UBR4: variants seen among roughly 807,000 people sequenced by gnomAD.
The protein encoded by UBR4 is E3 ubiquitin-protein ligase UBR4.
In UBR4, 124 loss-of-function variants were observed where a neutral mutation model predicts 575.6. The ratio of observed to expected loss-of-function variants is 0.22; its 90% CI spans 0.19 to 0.25. The LOEUF (loss-of-function observed/expected upper bound fraction) is 0.25. Among genes scored for constraint, UBR4 ranks in the 10% least tolerant of loss-of-function variants. UBR4 has a pLI of 1.00. For missense variants in UBR4, 4,818 were observed against 6,478.8 expected, an observed-to-expected ratio of 0.74 and a Z score of 8.80; for synonymous variants, 2,455 against 2,473.7, an observed-to-expected ratio of 0.99 and a Z score of 0.22.
intron 33 of UBR4, 34 bp from the exon 34 acceptor site, chr1:19,163,861 G>A: frequency 6.2e-7 from 1 of 1,610,674 alleles, no homozygotes; most frequent in Non-Finnish European, 8.5e-7. Flanking sequence ...GGAAAGAGGA[G>A]ACACAAAATC....
chr1:19,142,393 G>T (rs2084045875), intron 55 of UBR4, among the ~76,000 whole-genome samples: 1 of 152,204 alleles, frequency 6.6e-6, no homozygotes, highest in African/African-American at 2.4e-5. Context: ...GTCAGAAGAG[G>T]ATAGAGACCT....
intron 87 of UBR4, among the ~76,000 whole-genome samples, chr1:19,102,912 C>T (rs1434148700): frequency 3.3e-5 from 5 of 152,174 alleles, no homozygotes; most frequent in Non-Finnish European, 7.4e-5. Flanking sequence ...GGAAAAATCT[C>T]CTCTGAAAAC....
chr1:19,143,202 GAAGGAAGGAAAGA>G (rs1165638516), intron 55 of UBR4, among the ~76,000 whole-genome samples: 2 of 146,958 alleles, frequency 1.4e-5, no homozygotes, highest in Non-Finnish European at 3.0e-5. Flanking sequence ...AGGAAGGAAG[GAAGGAAGGAAAGA>G]AAGGAAGGAA....
At chr1:19,208,294 C>T (rs955208529) in intron 1 of UBR4, among the ~76,000 whole-genome samples, 1 of 152,002 alleles carries the variant, frequency 6.6e-6, no homozygotes, top group African/African-American at 2.4e-5. Context: ...GGTGAAACCT[C>T]ATCTCTACTT....
chr1:19,161,228 T>G (rs748510213), intron 37 of UBR4, 81 bp from the exon 38 acceptor site: 16 of 1,377,048 alleles, frequency 1.2e-5, no homozygotes, highest in Non-Finnish European at 1.6e-5. Context: ...CGAGGAAAAT[T>G]TGACCCAAAG....
chr1:19,150,845 C>A (rs780830465), intron 48 of UBR4, 52 bp from the exon 49 acceptor site: 7 of 1,584,086 alleles, frequency 4.4e-6, no homozygotes, highest in Non-Finnish European at 5.2e-6. Flanking sequence ...AAAAGCCACC[C>A]CTCCAAAGCA....
chr1:19,123,541 C>T (rs1570763006), intron 65 of UBR4, among the ~76,000 whole-genome samples: 1 of 151,552 alleles, frequency 6.6e-6, no homozygotes, highest in East Asian at 1.9e-4. Context: ...CTTAAATATC[C>T]TTTAATGAGA....
chr1:19,105,650 C>G, intron 84 of UBR4, 83 bp downstream of exon 84: 2 of 1,092,250 alleles, frequency 1.8e-6, no homozygotes, highest in Non-Finnish European at 2.6e-6. Flanking sequence ...CTCTCATTAC[C>G]CTGATCCATG....
At chr1:19,196,775 A>G (rs2092479186) in intron 8 of UBR4, among the ~76,000 whole-genome samples, 1 of 152,186 alleles carries the variant, frequency 6.6e-6, no homozygotes, top group Non-Finnish European at 1.5e-5. Context: ...ACTGTTTTAT[A>G]TTATACTATT....
Position 19,187,402 on chromosome 1 carries a change from C to T in UBR4, c.1494+39G>A, listed in dbSNP as rs369403581. 6.0e-5 allele frequency: 97 copies of T among 1,611,772 alleles called. 1 individual carries two copies. The South Asian group carries it at 6.0e-4, about 10-fold the overall frequency. ...CTTGCTTGGCCAGAAGTGGATCCCG[C>T]AATCAATATGCTGATTACCATGGGG... On this transcript the variant is annotated intron_variant, in intron 12 of 105. Transcript: ENST00000375254.
chr1:19,144,418 G>A (rs1197847741), intron 54 of UBR4, among the ~76,000 whole-genome samples: 1 of 152,204 alleles, frequency 6.6e-6, no homozygotes, highest in Admixed American at 6.5e-5. Flanking sequence ...TCTTAGCTCT[G>A]TGCTAAAATC....
At chr1:19,133,338 C>T (rs1383880469) in intron 60 of UBR4, among the ~76,000 whole-genome samples, 1 of 152,094 alleles carries the variant, frequency 6.6e-6, no homozygotes, top group African/African-American at 2.4e-5. Flanking sequence ...AACTGGAAAT[C>T]TTGAAAAACC....
intron 29 of UBR4, among the ~76,000 whole-genome samples, chr1:19,166,404 GC>G: frequency 6.6e-6 from 1 of 150,890 alleles, no homozygotes; most frequent in South Asian, 2.1e-4. Context: ...AGCTAGTGCA[GC>G]ACTTGATAGT....
At chr1:19,125,152 C>A (rs193171016) in intron 64 of UBR4, among the ~76,000 whole-genome samples, 33 of 152,298 alleles carry the variant, frequency 2.2e-4, no homozygotes, top group Non-Finnish European at 4.0e-4. Flanking sequence ...AGCCAAGATT[C>A]CTGGCTTCAT....
At chr1:19,104,519 A>T in intron 86 of UBR4, 66 bp downstream of exon 86, 1 of 1,542,252 alleles carries the variant, frequency 6.5e-7, no homozygotes, top group Non-Finnish European at 8.9e-7. Context: ...CCAGCACCCA[A>T]GGAACTAAGG....
At chr1:19,098,460 T>C (rs2078280609) in intron 90 of UBR4, among the ~76,000 whole-genome samples, 1 of 152,236 alleles carries the variant, frequency 6.6e-6, no homozygotes, top group African/African-American at 2.4e-5. Context: ...TCAAGGGAGA[T>C]ACCCTGGTGC....
rs947246013 is a variant in UBR4, at chr1:19,110,218, T to C, written c.11983A>G (p.Ser3995Gly). 6.2e-7 allele frequency: 1 copy of C among 1,614,216 alleles called. No individual in the cohort carries two copies. The highest frequency in any genetic ancestry group is 8.5e-7 in the Non-Finnish European group (1 of 1,180,040). Residue 3995 changes from serine (S) to glycine (G), a missense_variant, in exon 81 of 106, where the codon AGC becomes GGC. Ser to Gly is a moderately conservative substitution (Grantham distance 56, BLOSUM62 0). Coordinates refer to ENST00000375254, the MANE Select transcript of UBR4 (RefSeq NM_020765.3). The surrounding 1 kb of genome is among the most constrained non-coding windows in gnomAD (Gnocchi z 4.5). ...ATGTTCACAGCCATGAGGAAAAGGCTGAGAGCTAGGGATGGTCAGGAAAGG... is the reference window on the plus strand; with the variant it reads ...ATGTTCACAGCCATGAGGAAAAGGCCGAGAGCTAGGGATGGTCAGGAAAGG... ...CWELRLRCAL[S>G]LFLMAVNIKT...
intron 60 of UBR4, among the ~76,000 whole-genome samples, chr1:19,129,633 C>T (rs1258782201): frequency 6.6e-6 from 1 of 152,210 alleles, no homozygotes; most frequent in East Asian, 1.9e-4. Context: ...GCCACACTGT[C>T]CTACTGGACC....
chr1:19,144,182 C>G, intron 54 of UBR4, 91 bp from the exon 55 acceptor site: 7 of 1,186,658 alleles, frequency 5.9e-6, no homozygotes, highest in Non-Finnish European at 6.1e-6. Flanking sequence ...CACTCACTCA[C>G]ATGCAAGTGG....
Sources: allele counts gnomAD v4.1 joint callset (sites outside exome capture counted in the v4.1 genomes callset), GRCh38; gene constraint gnomAD v4.1.1; non-coding constraint Gnocchi (gnomAD v3.1); transcripts MANE v1.5; gene names NCBI Gene and HGNC (gene_info 2026-07-23, HGNC 2026-07-21).